The following SCLT1 variants were observed in gnomAD, a reference collection of about 807,000 sequenced individuals.
The protein encoded by SCLT1 is sodium channel and clathrin linker 1, also known as sodium channel-associated protein 1.
Under a neutral mutation model 112.8 loss-of-function variants are expected in SCLT1, and 78 were observed. The ratio of observed to expected loss-of-function variants is 0.69; its 90% CI spans 0.58 to 0.83. SCLT1 has a LOEUF of 0.83. Among genes scored for constraint, SCLT1 ranks in the 40% least tolerant of loss-of-function variants. SCLT1 has a pLI of 0.00. For missense variants in SCLT1, 747 were observed against 770.4 expected (o/e 0.97, Z 0.36); for synonymous variants, 257 against 254.7 (o/e 1.01, Z -0.09).
chr4:128,969,527 A>C (rs915602734), intron 10 of SCLT1, among the ~76,000 whole-genome samples: 2 of 152,106 alleles, frequency 1.3e-5, no homozygotes, highest in Non-Finnish European at 2.9e-5. Flanking sequence ...AGCCGAGATC[A>C]AGCCACTGCA....
intron 18 of SCLT1, among the ~76,000 whole-genome samples, chr4:128,925,925 C>T (rs1269689006): frequency 2.0e-5 from 3 of 151,838 alleles, no homozygotes; most frequent in Non-Finnish European, 4.4e-5. Context: ...TCTTCCACTT[C>T]TCTCCTTATC....
downstream of SCLT1, among the ~76,000 whole-genome samples, chr4:128,881,454 C>T (rs923582748): frequency 1.6e-4 from 25 of 152,050 alleles, no homozygotes; most frequent in African/African-American, 5.8e-4. Flanking sequence ...TGAATTGTTG[C>T]TAATGTTTTC....
intron 18 of SCLT1, among the ~76,000 whole-genome samples, chr4:128,925,721 G>A (rs1015731310): frequency 3.3e-5 from 5 of 152,042 alleles, no homozygotes; most frequent in Non-Finnish European, 7.4e-5. Context: ...TAAAGTCTCT[G>A]AGGCTCTCTG....
intron 18 of SCLT1, among the ~76,000 whole-genome samples, chr4:128,902,194 C>T (rs1560821398): frequency 6.6e-6 from 1 of 152,256 alleles, no homozygotes; most frequent in African/African-American, 2.4e-5. Context: ...TGTGAGCCAC[C>T]GTACCCAGGA....
At chr4:128,972,798 C>T (rs1283436003) in intron 9 of SCLT1, among the ~76,000 whole-genome samples, 2 of 152,062 alleles carry the variant, frequency 1.3e-5, no homozygotes, top group African/African-American at 4.8e-5. Context: ...CTCTTTTGTT[C>T]ATTCTTTATA....
chr4:128,990,390 TC>T (rs1230341604), intron 9 of SCLT1, among the ~76,000 whole-genome samples: 2 of 151,858 alleles, frequency 1.3e-5, no homozygotes, highest in Non-Finnish European at 2.9e-5. Context: ...AAATTCAACA[TC>T]TCTTTGTGAT....
chr4:128,942,609 C>T (rs992548939), intron 17 of SCLT1, among the ~76,000 whole-genome samples: 2 of 152,110 alleles, frequency 1.3e-5, no homozygotes, highest in Non-Finnish European at 2.9e-5. Flanking sequence ...TCAGAGCCTA[C>T]TGCTTTAACA....
intron 4 of SCLT1, among the ~76,000 whole-genome samples, chr4:129,040,910 T>C (rs917299244): frequency 1.3e-5 from 2 of 152,186 alleles, no homozygotes; most frequent in African/African-American, 4.8e-5. Flanking sequence ...TCTAGCATAG[T>C]TTATTTTTCT....
chr4:128,902,036 C>A (rs1219363335), intron 18 of SCLT1, among the ~76,000 whole-genome samples: 5 of 152,144 alleles, frequency 3.3e-5, no homozygotes, highest in African/African-American at 1.2e-4. Context: ...CCCACCTCAG[C>A]CTCCCAAGCA....
intron 2 of SCLT1, among the ~76,000 whole-genome samples, chr4:129,050,087 G>A (rs914102746): frequency 6.6e-6 from 1 of 152,140 alleles, no homozygotes; most frequent in African/African-American, 2.4e-5. Context: ...TTTTATGGCT[G>A]CATAGTATTC....
intron 1 of SCLT1, among the ~76,000 whole-genome samples, chr4:129,084,284 CA>C (rs927123285): frequency 6.6e-6 from 1 of 151,662 alleles, no homozygotes. Context: ...GTGATTAATC[CA>C]AAAAAACCAC....
chr4:129,033,190 A>T (rs1156441944), intron 5 of SCLT1, among the ~76,000 whole-genome samples: 3 of 152,270 alleles, frequency 2.0e-5, no homozygotes, highest in Non-Finnish European at 2.9e-5. Flanking sequence ...TGTCCTTTGC[A>T]GGGACATGGA....
At chr4:128,965,863 A>T (rs1740139277) in intron 10 of SCLT1, among the ~76,000 whole-genome samples, 1 of 133,858 alleles carries the variant, frequency 7.5e-6, no homozygotes, top group African/African-American at 2.8e-5. Context: ...ACAGAATCTC[A>T]CCCTGTCGTC....
chr4:128,981,271 A>C (rs1191727834), intron 9 of SCLT1, among the ~76,000 whole-genome samples: 1 of 152,178 alleles, frequency 6.6e-6, no homozygotes, highest in Non-Finnish European at 1.5e-5. Flanking sequence ...AGCCTTGGGA[A>C]GGAATTTAGT....
chr4:128,957,395 T>C (rs1739310201), intron 12 of SCLT1, among the ~76,000 whole-genome samples: 1 of 152,174 alleles, frequency 6.6e-6, no homozygotes, highest in African/African-American at 2.4e-5. Flanking sequence ...AAAACCATTG[T>C]TGAATTTTCC....
At chr4:128,978,654 CTG>C in intron 9 of SCLT1, among the ~76,000 whole-genome samples, 1 of 152,140 alleles carries the variant, frequency 6.6e-6, no homozygotes, top group African/African-American at 2.4e-5. Flanking sequence ...TGAATCCAAA[CTG>C]AAGAAAATTC....
chr4:129,009,172 T>C (rs576940041), intron 5 of SCLT1, among the ~76,000 whole-genome samples: 1 of 152,316 alleles, frequency 6.6e-6, no homozygotes, highest in African/African-American at 2.4e-5. Context: ...TACTTCGTTA[T>C]ATATCCAGTG....
At chr4:128,945,660 T>C (rs1022586003) in intron 16 of SCLT1, among the ~76,000 whole-genome samples, 3 of 152,066 alleles carry the variant, frequency 2.0e-5, no homozygotes, top group Non-Finnish European at 4.4e-5. Context: ...TTATAGAATA[T>C]TCACTATAAC....
At chr4:129,087,912 C>A (rs548207926) in intron 1 of SCLT1, among the ~76,000 whole-genome samples, 1 of 151,414 alleles carries the variant, frequency 6.6e-6, no homozygotes, top group South Asian at 2.1e-4. Context: ...ATAGGGAGAC[C>A]CTATCTCTAC....
Sources: allele counts gnomAD v4.1 joint callset (sites outside exome capture counted in the v4.1 genomes callset), GRCh38; gene constraint gnomAD v4.1.1; transcripts MANE v1.5; gene names NCBI Gene and HGNC (gene_info 2026-07-23, HGNC 2026-07-21).